TUT4: variants seen among roughly 807,000 people sequenced by gnomAD.
TUT4 encodes the protein terminal uridylyl transferase 4.
Under a neutral mutation model 192.2 loss-of-function variants are expected in TUT4, and 36 were observed. The observed-to-expected ratio is 0.19, with a 90% CI of 0.14 to 0.25. The LOEUF (loss-of-function observed/expected upper bound fraction) is 0.25, where lower values mean the gene tolerates loss of function less well. Ranked by LOEUF, TUT4 falls within the 10% of genes least tolerant of loss-of-function variation. The pLI, the probability that TUT4 is intolerant of heterozygous loss-of-function variation, is 1.00. For missense variants in TUT4, 1,493 were observed against 1,957.2 expected, an observed-to-expected ratio of 0.76 and a Z score of 4.47; for synonymous variants, 618 against 666.0, an observed-to-expected ratio of 0.93 and a Z score of 1.11.
rs146077028 is a variant in TUT4 at position 52,486,208 on chromosome 1, A to T, written c.1515+2701T>A. On this transcript the variant is annotated intron_variant, in intron 9 of 29. Coordinates refer to ENST00000257177, the MANE Select transcript of TUT4 (RefSeq NM_001009881.3). The stretch of plus-strand genomic sequence containing the variant: ...ACAAGATTAAAGCAGTTTAAGAGAG[A>T]GCTCTTAAAACCCAGATATCTCTTT... 4.6e-5 allele frequency among the ~76,000 whole-genome samples: 7 copies of T among 152,272 alleles called. No homozygotes were observed. In the South Asian group the frequency reaches 6.2e-4, roughly 14 times the overall value.
At chr1:52,540,956 A>G (rs902478554) in intron 1 of TUT4, among the ~76,000 whole-genome samples, 3 of 152,230 alleles carry the variant, frequency 2.0e-5, no homozygotes, top group African/African-American at 7.2e-5. Context: ...CTGTAATCTC[A>G]GCACTTTAGT....
intron 12 of TUT4, among the ~76,000 whole-genome samples, chr1:52,477,242 TC>T (rs1161454832): frequency 6.6e-6 from 1 of 152,112 alleles, no homozygotes; most frequent in Admixed American, 6.6e-5. Flanking sequence ...AAATACTAAT[TC>T]TATAAAACTA....
chr1:52,446,821 G>T (rs1191996323), intron 20 of TUT4, among the ~76,000 whole-genome samples, 154 bp from the exon 21 acceptor site: 1 of 152,132 alleles, frequency 6.6e-6, no homozygotes, highest in African/African-American at 2.4e-5. Flanking sequence ...TTGATGCCAA[G>T]AAGTTAATGA....
Position 52,535,779 on chromosome 1 carries a change from A to G in TUT4, c.-93-9406T>C, listed in dbSNP as rs1684740672. ...AAAGAGAACTTTGAAAGAAGCAAGAAAATTTAACTCATCAAACAAAAGTTA... is the reference window on the plus strand; with the variant it reads ...AAAGAGAACTTTGAAAGAAGCAAGAGAATTTAACTCATCAAACAAAAGTTA... On this transcript the variant is annotated intron_variant, in intron 1 of 29. Transcript: ENST00000257177. 2.6e-5 allele frequency among the ~76,000 whole-genome samples: 4 copies of G among 152,226 alleles called. No homozygotes were observed. In the South Asian group the frequency reaches 8.3e-4, roughly 31 times the overall value.
chr1:52,500,099 G>A (rs1673681620), intron 4 of TUT4, among the ~76,000 whole-genome samples: 1 of 151,126 alleles, frequency 6.6e-6, no homozygotes, highest in Non-Finnish European at 1.5e-5. Flanking sequence ...TCCAGCCTGG[G>A]CAACAGAGCT....
intron 19 of TUT4, chr1:52,460,841 A>T: frequency 9.3e-6 from 2 of 214,508 alleles, no homozygotes; most frequent in Non-Finnish European, 9.1e-6. Context: ...AGAAATTCTT[A>T]ACTAGGATGA....
chr1:52,539,906 TA>T (rs113259082), intron 1 of TUT4, among the ~76,000 whole-genome samples: 54 of 116,322 alleles, frequency 4.6e-4, no homozygotes, highest in Non-Finnish European at 3.7e-4. Context: ...GACTCCGTCT[TA>T]AAAAAAAAAA....
At chr1:52,539,605 G>C (rs1024078478) in intron 1 of TUT4, among the ~76,000 whole-genome samples, 3 of 152,070 alleles carry the variant, frequency 2.0e-5, no homozygotes, top group African/African-American at 7.2e-5. Context: ...AAAAAAGATG[G>C]CAGTGCAGGG....
rs1652000288 is a variant in TUT4 at position 52,431,342 on chromosome 1, T to C, written c.4382A>G (p.Gln1461Arg). The change falls in exon 28 of 30, where the codon CAG (glutamine) becomes CGG (arginine). Residue 1461 changes from glutamine (Q) to arginine (R), a missense_variant. By Grantham distance (43) the Gln-to-Arg change is conservative (BLOSUM62 1). This residue lies in a region of TUT4 where 351 missense variants were observed against 397.8 expected (regional missense o/e 0.88). Coordinates refer to ENST00000257177, the MANE Select transcript of TUT4 (RefSeq NM_001009881.3). ...CTGATGGGGAGGTTGGGCTCCCTGC[T>C]GAGGTGGGCCAAGCTTAGGTTGGGA... ...PGSQPKLGPP[Q>R]QGAQPPHQVQ... is the part of the protein sequence containing the mutation. 3.1e-6 allele frequency: 5 copies of C among 1,613,970 alleles called. No homozygotes were observed. The highest frequency in any genetic ancestry group is 4.2e-6 in the Non-Finnish European group (5 of 1,180,014).
At chr1:52,443,367 T>C (rs1656306305) in intron 24 of TUT4, among the ~76,000 whole-genome samples, 1 of 150,564 alleles carries the variant, frequency 6.6e-6, no homozygotes, top group Non-Finnish European at 1.5e-5. Context: ...GATGGGCGGA[T>C]CACCTGATTG....
chr1:52,534,167 G>A (rs766742817), intron 1 of TUT4, among the ~76,000 whole-genome samples: 6 of 151,822 alleles, frequency 4.0e-5, no homozygotes, highest in Non-Finnish European at 5.9e-5. Context: ...ACTTAGCCCC[G>A]TCCCCTCTCC....
chr1:52,489,577 C>A (rs1231393551), intron 8 of TUT4, among the ~76,000 whole-genome samples: 1 of 152,186 alleles, frequency 6.6e-6, no homozygotes, highest in Non-Finnish European at 1.5e-5. Context: ...ACAAATTATA[C>A]TTCTGTGTAA....
At chr1:52,523,212 C>G (rs929919411) in intron 2 of TUT4, among the ~76,000 whole-genome samples, 3 of 151,616 alleles carry the variant, frequency 2.0e-5, no homozygotes, top group African/African-American at 7.2e-5. Context: ...AGGCTGGTCT[C>G]GACCTCCTGA....
At chr1:52,441,288 T>A (rs1281059280) in intron 24 of TUT4, among the ~76,000 whole-genome samples, 1 of 149,604 alleles carries the variant, frequency 6.7e-6, no homozygotes, top group Non-Finnish European at 1.5e-5. Flanking sequence ...ATGGCTTTTT[T>A]TTTTTTTTTT....
At chr1:52,506,421 T>C (rs1051624455) in intron 4 of TUT4, among the ~76,000 whole-genome samples, 1 of 152,226 alleles carries the variant, frequency 6.6e-6, no homozygotes, top group African/African-American at 2.4e-5. Flanking sequence ...TCCTCTTCAG[T>C]GTTCTGGAAA....
chr1:52,551,959 T>C (rs1253801520), intron 1 of TUT4, among the ~76,000 whole-genome samples: 2 of 152,212 alleles, frequency 1.3e-5, no homozygotes, highest in African/African-American at 4.8e-5. Context: ...ACTAAATGCA[T>C]GCCAACAATA....
chr1:52,493,058 C>T (rs1257168606), intron 7 of TUT4, among the ~76,000 whole-genome samples: 1 of 152,012 alleles, frequency 6.6e-6, no homozygotes, highest in Admixed American at 6.6e-5. Flanking sequence ...ACCCAAAAGG[C>T]AGTAGTTTTT....
At chr1:52,438,380 T>A (rs1654449597) in intron 24 of TUT4, 45 bp from the exon 25 acceptor site, 1 of 1,393,124 alleles carries the variant, frequency 7.2e-7, no homozygotes, top group African/African-American at 1.5e-5. Flanking sequence ...ACTATAAAAC[T>A]TTTGAATCCA....
At chr1:52,481,678 T>TA (rs369545413) in intron 10 of TUT4, 43 bp from the exon 11 acceptor site, 68,402 of 1,225,628 alleles carry the variant, frequency 0.056, 3 homozygotes, top group South Asian at 0.065. Context: ...AAAAATTATT[T>TA]AAAAAAAAAA....
Sources: gnomAD v4.1 joint callset for allele counts (sites outside exome capture counted in the v4.1 genomes callset) on GRCh38, gnomAD v4.1.1 for gene constraint, gnomAD v4.1.1 regional missense constraint, MANE v1.5 for transcripts, NCBI Gene and HGNC (gene_info 2026-07-23, HGNC 2026-07-21) for gene names.